LPAR6: variants seen among roughly 807,000 people sequenced by gnomAD.
LPAR6 encodes the protein lysophosphatidic acid receptor 6.
In LPAR6, 17 loss-of-function variants were observed where a neutral mutation model predicts 22.0. The observed-to-expected ratio is 0.77, with a 90% CI of 0.53 to 1.16. The LOEUF is 1.16. Ranked by LOEUF, LPAR6 falls within the 50% of genes most tolerant of loss-of-function variation. The pLI is 0.00. For synonymous variants in LPAR6, 136 were observed against 139.8 expected, an observed-to-expected ratio of 0.97 and a Z score of 0.19; for missense variants, 384 against 406.9, an observed-to-expected ratio of 0.94 and a Z score of 0.48.
At chr13:48,421,146 A>G (rs933386606) in intron 2 of LPAR6, among the ~76,000 whole-genome samples, 2 of 152,238 alleles carry the variant, frequency 1.3e-5, no homozygotes, top group Non-Finnish European at 2.9e-5. Context: ...CTACAAGGCT[A>G]CAATAACCAA....
downstream of LPAR6, among the ~76,000 whole-genome samples, chr13:48,409,148 CTCTTTTTTT>C (rs1286174170): frequency 1.4e-5 from 2 of 143,294 alleles, no homozygotes; most frequent in African/African-American, 2.6e-5. Context: ...TTTTTCTTTT[CTCTTTTTTT>C]TTTTTTTTTG....
At chr13:48,394,806 G>A (rs937777419) in intron 1 of LPAR6, among the ~76,000 whole-genome samples, 8 of 152,222 alleles carry the variant, frequency 5.3e-5, no homozygotes, top group Non-Finnish European at 1.0e-4. Flanking sequence ...GGAAGGCGCA[G>A]CTGTGGACAC....
At chr13:48,409,753 G>T (rs1367706961), downstream of LPAR6, among the ~76,000 whole-genome samples, 3 of 151,410 alleles carry the variant, frequency 2.0e-5, no homozygotes, top group East Asian at 1.9e-4. Context: ...GCTAATTTTT[G>T]TATTTTTAGT....
At chr13:48,406,222 T>C (rs1196220991), downstream of LPAR6, among the ~76,000 whole-genome samples, 1 of 152,124 alleles carries the variant, frequency 6.6e-6, no homozygotes, top group Non-Finnish European at 1.5e-5. Context: ...TATGTGTGTG[T>C]TAGATATTGC....
At chr13:48,403,874 C>T (rs1279625833) in intron 1 of LPAR6, among the ~76,000 whole-genome samples, 1 of 152,022 alleles carries the variant, frequency 6.6e-6, no homozygotes, top group African/African-American at 2.4e-5. Flanking sequence ...AAAAATGCAC[C>T]TCTGTAGTCC....
chr13:48,402,039 C>A (rs918632477), intron 1 of LPAR6, among the ~76,000 whole-genome samples: 1 of 151,852 alleles, frequency 6.6e-6, no homozygotes, highest in African/African-American at 2.4e-5. Flanking sequence ...TAGGTTTTAT[C>A]ATTTAGTTTT....
At chr13:48,443,008 A>C (rs997526514) in intron 1 of LPAR6, among the ~76,000 whole-genome samples, 17 of 152,136 alleles carry the variant, frequency 1.1e-4, no homozygotes, top group Non-Finnish European at 2.2e-4. Flanking sequence ...GATATCAATT[A>C]ATAAATCCAC....
At chr13:48,395,061 A>G (rs961942070) in intron 1 of LPAR6, among the ~76,000 whole-genome samples, 21 of 145,958 alleles carry the variant, frequency 1.4e-4, no homozygotes, top group African/African-American at 5.3e-4. Flanking sequence ...ACAGGCAGCA[A>G]TCTTTGCTCT....
At chr13:48,430,472 G>A (rs1949117663), upstream of LPAR6, among the ~76,000 whole-genome samples, 1 of 152,130 alleles carries the variant, frequency 6.6e-6, no homozygotes, top group African/African-American at 2.4e-5. Flanking sequence ...CAGGCACTGT[G>A]GCTCATGCCT....
upstream of LPAR6, among the ~76,000 whole-genome samples, chr13:48,431,237 C>A (rs1036954922): frequency 1.1e-4 from 16 of 151,904 alleles, no homozygotes; most frequent in African/African-American, 3.6e-4. Context: ...TTTTAGGTAC[C>A]CAAATTTAAT....
rs745776734 is a variant in LPAR6, at chr13:48,411,381, G to A, written c.*8C>T. Reference sequence around the variant, plus strand: ...AGTTCTGTCCCAGTGAGTCCTAATGGTTTTATTTCAGGCAGCAGATTCATT... The same window carrying A: ...AGTTCTGTCCCAGTGAGTCCTAATGATTTTATTTCAGGCAGCAGATTCATT... On this transcript the variant is annotated 3_prime_UTR_variant, in exon 1 of 1. Transcript: ENST00000620633. The A allele has an allele frequency of 6.2e-7, 1 of 1,605,780 alleles. No homozygotes were observed. The highest frequency in any genetic ancestry group is 8.5e-7 in the Non-Finnish European group (1 of 1,174,894).
chr13:48,427,125 A>G (rs768932775), upstream of LPAR6, among the ~76,000 whole-genome samples: 7 of 152,194 alleles, frequency 4.6e-5, no homozygotes, highest in Admixed American at 2.6e-4. Flanking sequence ...GTCATCTTCT[A>G]CCAAACCTCA....
chr13:48,436,857 T>C (rs1342200295), intron 1 of LPAR6, among the ~76,000 whole-genome samples: 1 of 152,178 alleles, frequency 6.6e-6, no homozygotes, highest in Non-Finnish European at 1.5e-5. Flanking sequence ...ACATTTCCTG[T>C]AATGTAGTTC....
chr13:48,391,101 G>A (rs1225893378), intron 1 of LPAR6, among the ~76,000 whole-genome samples: 1 of 151,220 alleles, frequency 6.6e-6, no homozygotes, highest in African/African-American at 2.4e-5. Context: ...TTCTTTGTAG[G>A]CTTACTGTCT....
Position 48,412,281 on chromosome 13 carries a change from A to G in LPAR6, c.143T>C (p.Val48Ala), listed in dbSNP as rs1488384615. The G allele has an allele frequency of 6.2e-6, 10 of 1,613,868 alleles. No homozygotes were observed. Among genetic ancestry groups the G allele is most frequent in the Non-Finnish European group, 8.5e-6 (10 of 1,179,906 alleles). Reference protein sequence around the residue: ...AIYIFICVLKVRNETTTYMIN... With the variant: ...AIYIFICVLKARNETTTYMIN... ...CATGTAAGTTGTAGTTTCATTTCGG[A>G]CTTTGAGGACGCAGATGAAAATGTA... The change falls in exon 1 of 1, where the codon GTC (valine) becomes GCC (alanine). Residue 48 changes from valine (V) to alanine (A), a missense_variant. Transcript: ENST00000620633.
chr13:48,419,368 C>A (rs1948968176), intron 2 of LPAR6, among the ~76,000 whole-genome samples: 4 of 152,174 alleles, frequency 2.6e-5, no homozygotes, highest in Admixed American at 1.3e-4. Context: ...ACCCAAATCT[C>A]TGGGACACAG....
intron 1 of LPAR6, among the ~76,000 whole-genome samples, chr13:48,397,935 A>G (rs955737471): frequency 1.7e-4 from 26 of 152,188 alleles, no homozygotes; most frequent in Non-Finnish European, 1.3e-4. Flanking sequence ...TACTTTGCAG[A>G]AGTATTTTAA....
chr13:48,400,993 AG>A (rs1462714979), intron 1 of LPAR6, among the ~76,000 whole-genome samples: 2 of 152,088 alleles, frequency 1.3e-5, no homozygotes, highest in African/African-American at 4.8e-5. Flanking sequence ...CAGGGGGAAA[AG>A]GCATCATGGG....
chr13:48,418,118 A>G (rs1320065991), intron 2 of LPAR6, among the ~76,000 whole-genome samples: 5 of 152,138 alleles, frequency 3.3e-5, no homozygotes, highest in Admixed American at 3.3e-4. Flanking sequence ...AAAATGTTAA[A>G]AGCAGCCAGA....
Sources: allele counts gnomAD v4.1 joint callset (sites outside exome capture counted in the v4.1 genomes callset), GRCh38; gene constraint gnomAD v4.1.1; transcripts MANE v1.5; gene names NCBI Gene and HGNC (gene_info 2026-07-23, HGNC 2026-07-21).